The following YPEL2 variants were observed in gnomAD, a reference collection of about 807,000 sequenced individuals.
YPEL2 encodes yippee like 2.
YPEL2 carries 2 observed loss-of-function variants against 19.1 expected under a neutral mutation model. That is an observed-to-expected ratio of 0.10 (90% confidence interval 0.04 to 0.33). The LOEUF (loss-of-function observed/expected upper bound fraction) is 0.33. Among genes scored for constraint, YPEL2 ranks in the 10% least tolerant of loss-of-function variants. YPEL2 has a pLI of 1.00. For synonymous variants in YPEL2, 52 were observed against 50.0 expected (o/e 1.04, Z -0.17); for missense variants, 66 against 140.7 (o/e 0.47, Z 2.68).
chr17:59,356,509 A>G (rs1284100026), intron 2 of YPEL2, among the ~76,000 whole-genome samples: 1 of 152,212 alleles, frequency 6.6e-6, no homozygotes, highest in African/African-American at 2.4e-5. Context: ...ATCCAGTACC[A>G]GGCTTTCTAC....
At chr17:59,392,525 T>TTG (rs1280694936) in intron 4 of YPEL2, among the ~76,000 whole-genome samples, 8 of 148,976 alleles carry the variant, frequency 5.4e-5, no homozygotes, top group African/African-American at 7.5e-5. Context: ...TTTTTTTTTT[T>TTG]TTTGAGATGG....
chr17:59,364,550 C>G (rs1287588604), intron 2 of YPEL2, among the ~76,000 whole-genome samples: 1 of 152,056 alleles, frequency 6.6e-6, no homozygotes, highest in Non-Finnish European at 1.5e-5. Flanking sequence ...TGGTATAACT[C>G]CGAGCCCAAC....
intron 2 of YPEL2, among the ~76,000 whole-genome samples, chr17:59,360,872 C>G (rs2047837372): frequency 6.6e-6 from 1 of 152,112 alleles, no homozygotes; most frequent in African/African-American, 2.4e-5. Flanking sequence ...CACTCTGTCA[C>G]CCAGGCTGGA....
chr17:59,366,902 G>A (rs189457851), intron 2 of YPEL2, among the ~76,000 whole-genome samples: 26 of 152,304 alleles, frequency 1.7e-4, no homozygotes, highest in Admixed American at 7.8e-4. Flanking sequence ...TGTCTGTGTG[G>A]GAGGAGAGTT....
At chr17:59,343,301 G>A (rs1215622632) in intron 1 of YPEL2, among the ~76,000 whole-genome samples, 2 of 151,764 alleles carry the variant, frequency 1.3e-5, no homozygotes, top group African/African-American at 4.8e-5. Flanking sequence ...ATTTTACTCA[G>A]TTAACATTTA....
At chr17:59,369,751 A>AG (rs1163239940) in intron 2 of YPEL2, among the ~76,000 whole-genome samples, 3 of 152,222 alleles carry the variant, frequency 2.0e-5, no homozygotes, top group African/African-American at 7.2e-5. Context: ...GCCATCCAGC[A>AG]CTTTACACTT....
chr17:59,389,258 T>A (rs2047996126), intron 3 of YPEL2, 102 bp from the exon 4 acceptor site: 11 of 1,072,630 alleles, frequency 1.0e-5, no homozygotes, highest in Admixed American at 2.0e-5. Flanking sequence ...TTGGCTCCCC[T>A]TGGGACAGCC....
intron 1 of YPEL2, among the ~76,000 whole-genome samples, chr17:59,337,216 C>CT (rs1483308159): frequency 2.1e-5 from 3 of 139,740 alleles, no homozygotes; most frequent in South Asian, 2.2e-4. Context: ...GAGACGGAGT[C>CT]TCGCTCTGTG....
intron 2 of YPEL2, among the ~76,000 whole-genome samples, chr17:59,383,636 ATATATATATATATATG>A (rs1280834135): frequency 3.4e-4 from 37 of 109,794 alleles, no homozygotes; most frequent in African/African-American, 1.3e-3. Context: ...ATATATATAT[ATATATATATATATATG>A]GTCTAATAGT....
chr17:59,375,006 A>C (rs1395469221), intron 2 of YPEL2, among the ~76,000 whole-genome samples: 1 of 152,210 alleles, frequency 6.6e-6, no homozygotes, highest in African/African-American at 2.4e-5. Flanking sequence ...AGATGGAGGA[A>C]TCAGGAAGCT....
At chr17:59,381,963 C>T (rs139358779) in intron 2 of YPEL2, among the ~76,000 whole-genome samples, 183 of 152,306 alleles carry the variant, frequency 1.2e-3, no homozygotes, top group Non-Finnish European at 2.4e-3. Flanking sequence ...CCAGGCCGTG[C>T]CAGGTTGTGC....
At chr17:59,388,299 A>T in intron 2 of YPEL2, 28 bp from the exon 3 acceptor site, 1 of 1,613,004 alleles carries the variant, frequency 6.2e-7, no homozygotes, top group Non-Finnish European at 8.5e-7. Context: ...TGGATGTCTA[A>T]CTATCGATTT....
At chr17:59,394,618 CAG>C (rs2048028553) in intron 4 of YPEL2, among the ~76,000 whole-genome samples, 1 of 149,628 alleles carries the variant, frequency 6.7e-6, no homozygotes, top group Non-Finnish European at 1.5e-5. Flanking sequence ...GGCAGCCAGG[CAG>C]AGGGGCTCCT....
At chr17:59,340,568 A>G (rs1164282665) in intron 1 of YPEL2, among the ~76,000 whole-genome samples, 1 of 150,208 alleles carries the variant, frequency 6.7e-6, no homozygotes, top group Non-Finnish European at 1.5e-5. Flanking sequence ...GGCACCCGCC[A>G]CCTCGCTCGG....
At chr17:59,350,416 T>C (rs2047782003) in intron 1 of YPEL2, among the ~76,000 whole-genome samples, 2 of 152,184 alleles carry the variant, frequency 1.3e-5, no homozygotes, top group Admixed American at 6.5e-5. Flanking sequence ...TGTTTATTCA[T>C]ATTTAAGAGC....
chr17:59,337,183 C>CTTTTTTTTTTT (rs146083930), intron 1 of YPEL2, among the ~76,000 whole-genome samples: 2 of 136,500 alleles, frequency 1.5e-5, no homozygotes. Flanking sequence ...GGGAGAAATT[C>CTTTTTTTTTTT]TTTTTTTTTG....
chr17:59,334,400 T>C (rs961853474), intron 1 of YPEL2, among the ~76,000 whole-genome samples: 1 of 128,796 alleles, frequency 7.8e-6, no homozygotes, highest in Non-Finnish European at 1.7e-5. Context: ...TGGGGGGGGG[T>C]GAGGAGTCAG....
At chr17:59,349,173 C>CAAAAAAA (rs57129006) in intron 1 of YPEL2, among the ~76,000 whole-genome samples, 2 of 57,510 alleles carry the variant, frequency 3.5e-5, no homozygotes, top group African/African-American at 5.6e-5. Flanking sequence ...GACTCCGTCT[C>CAAAAAAA]AAAAAAAAAA....
chr17:59,376,901 A>G (rs984066818), intron 2 of YPEL2, among the ~76,000 whole-genome samples: 6 of 140,716 alleles, frequency 4.3e-5, no homozygotes, highest in African/African-American at 1.3e-4. Context: ...GTGAGCAGAG[A>G]TGGCACCACT....
Sources: gnomAD v4.1 joint callset for allele counts (sites outside exome capture counted in the v4.1 genomes callset) on GRCh38, gnomAD v4.1.1 for gene constraint, MANE v1.5 for transcripts, NCBI Gene and HGNC (gene_info 2026-07-23, HGNC 2026-07-21) for gene names.